Variants in SLC7A8 observed in about 807,000 individuals in gnomAD.
The protein encoded by SLC7A8 is solute carrier family 7 member 8, also known as large neutral amino acids transporter small subunit 2.
Under a neutral mutation model 51.2 loss-of-function variants are expected in SLC7A8, and 30 were observed. The ratio of observed to expected loss-of-function variants is 0.59; its 90% CI spans 0.44 to 0.80. The LOEUF is 0.80. Ranked by LOEUF, SLC7A8 falls within the 30% of genes least tolerant of loss-of-function variation. The pLI, the probability that SLC7A8 is intolerant of heterozygous loss-of-function variation, is 0.00. For synonymous variants in SLC7A8, 257 were observed against 275.8 expected (o/e 0.93, Z 0.67); for missense variants, 612 against 674.4 (o/e 0.91, Z 1.03).
In SLC7A8 at chr14:23,129,661, G is replaced by A. The variant is rs146946494; in HGVS notation, c.1252C>T (p.Arg418Cys). 2.6e-4 allele frequency: 423 copies of A among 1,614,002 alleles called. No individual in the cohort carries two copies. The highest frequency in any genetic ancestry group is 9.9e-4 in the Middle Eastern group (6 of 6,084). The change falls in exon 9 of 11, where the codon CGC (arginine) becomes TGC (cysteine). Residue 418 changes from arginine (R) to cysteine (C), a missense_variant. By Grantham distance (180) the Arg-to-Cys change is radical. Coordinates refer to ENST00000316902, the MANE Select transcript of SLC7A8 (RefSeq NM_012244.4). ...VLRWKKPDIP[R>C]PIKINLLFPI... ...GGAGTTTCTCTCACCTTGATGGGGC[G>A]GGGGATATCAGGCTTCTTCCAGCGA...
intron 1 of SLC7A8, among the ~76,000 whole-genome samples, chr14:23,167,527 C>T (rs917423239): frequency 2.6e-5 from 4 of 151,916 alleles, no homozygotes; most frequent in Admixed American, 6.6e-5. Flanking sequence ...AGGTGAGGCC[C>T]GCAGCCGGTA....
chr14:23,160,940 T>C (rs2048918160), intron 3 of SLC7A8, among the ~76,000 whole-genome samples: 2 of 102,980 alleles, frequency 1.9e-5, no homozygotes, highest in Admixed American at 2.4e-4. Flanking sequence ...AAATGTAAAA[T>C]ACTTTCTCTC....
chr14:23,146,260 T>C lies in SLC7A8; in HGVS notation c.509-3056A>G, dbSNP rs1370892512. Among the ~76,000 whole-genome samples the C allele has an allele frequency of 2.0e-5, 3 of 152,144 alleles. No individual in the cohort carries two copies. The East Asian group carries it at 5.8e-4, about 29-fold the overall frequency. ...AGGTAAGGATTACACAACAAGGAAC[T>C]GGATCTTGATCTCAGGGAAGAAAAT... On this transcript the variant is annotated intron_variant, in intron 3 of 10. Transcript: ENST00000316902.
chr14:23,161,599 T>TGGGTGGGGGTAGGG, intron 3 of SLC7A8, among the ~76,000 whole-genome samples: 1 of 3,224 alleles, frequency 3.1e-4, no homozygotes, highest in Non-Finnish European at 6.6e-4. Context: ...TGGGGGTAGG[T>TGGGTGGGGGTAGGG]GGGTGGGTGG....
At chr14:23,169,757 T>C (rs2048967236) in intron 1 of SLC7A8, among the ~76,000 whole-genome samples, 1 of 152,152 alleles carries the variant, frequency 6.6e-6, no homozygotes, top group Non-Finnish European at 1.5e-5. Flanking sequence ...TTATTCCTAT[T>C]TTTCAAGTGG....
chr14:23,139,537 TG>T lies in SLC7A8; in HGVS notation c.798del (p.Arg267GlufsTer38). ...AGTGGGATGGAGATGAAGATGGCTCTGGGAAGGTTCCTGTAGAGGGAGAGGA... is the reference window on the plus strand; with the variant it reads ...AGTGGGATGGAGATGAAGATGGCTCTGGAAGGTTCCTGTAGAGGGAGAGGA... Reference protein sequence around the residue: ...EELVDPYKNLPRAIFISIPLV... With the variant: ...EELVDPYKNLXRAIFISIPLV... On this transcript the variant is annotated frameshift_variant, in exon 6 of 11. Coordinates refer to ENST00000316902, the MANE Select transcript of SLC7A8 (RefSeq NM_012244.4). LOFTEE classifies it high-confidence loss of function. 1 of 1,613,774 alleles carries T rather than the reference TG, an allele frequency of 6.2e-7. No individual in the cohort carries two copies. Among genetic ancestry groups the T allele is most frequent in the Non-Finnish European group, 8.5e-7 (1 of 1,179,798 alleles).
In SLC7A8 at chr14:23,154,431, G is replaced by A. The variant is rs892268091; in HGVS notation, c.508+10854C>T. 515 of 990,250 alleles carry A rather than the reference G, an allele frequency of 5.2e-4. 1 individual carries two copies. The highest frequency in any genetic ancestry group is 5.4e-4 in the Non-Finnish European group (450 of 830,258). The allele number at this position is 990,250 out of a possible 1,614,324, so 61.3% of individuals were successfully genotyped here. A position where few individuals can be genotyped will look rare whatever the true frequency, so the allele number is the denominator to read the frequency against. On this transcript the variant is annotated intron_variant, in intron 3 of 10. Transcript: ENST00000316902. ...CGCTGGGCAGGGAAGCCGGGCCTGTGGGGGCGTGGGTGTGGCTACGCTCGG... is the reference window on the plus strand; with the variant it reads ...CGCTGGGCAGGGAAGCCGGGCCTGTAGGGGCGTGGGTGTGGCTACGCTCGG...
At chr14:23,148,370 AGGTGTCC>A (rs1182851209) in intron 3 of SLC7A8, among the ~76,000 whole-genome samples, 2 of 152,150 alleles carry the variant, frequency 1.3e-5, no homozygotes, top group African/African-American at 4.8e-5. Context: ...CTGGGATTAC[AGGTGTCC>A]GCCACCACGC....
intron 1 of SLC7A8, among the ~76,000 whole-genome samples, chr14:23,172,999 G>A (rs2048982241): frequency 6.6e-6 from 1 of 152,140 alleles, no homozygotes; most frequent in Admixed American, 6.5e-5. Context: ...TTGTGGTAAA[G>A]ACACGTAACA....
At position 23,140,560 on chromosome 14, in the gene SLC7A8, G is replaced by C. The variant is rs768855621; in HGVS notation, c.699C>G (p.Leu233=). The change falls in exon 5 of 11, where the codon CTC becomes CTG. Residue 233 remains leucine, a synonymous_variant. Coordinates refer to ENST00000316902, the MANE Select transcript of SLC7A8 (RefSeq NM_012244.4). ...FENFQEPDIG[L]VALAFLQGSF... ...AGCCCTGAAGGAAAGCCAGTGCGAC[G>C]AGGCCGATGTCAGGTTCCTGGAAAT... The C allele has an allele frequency of 6.2e-7, 1 of 1,614,124 alleles. No homozygotes were observed. Among genetic ancestry groups the C allele is most frequent in the South Asian group, 1.1e-5 (1 of 91,080 alleles).
intron 3 of SLC7A8, among the ~76,000 whole-genome samples, chr14:23,149,398 C>T (rs1220128407): frequency 1.3e-5 from 2 of 152,192 alleles, no homozygotes; most frequent in East Asian, 1.9e-4. Context: ...AACCCAGATA[C>T]GCAAACACTG....
chr14:23,148,439 G>T (rs1420054454), intron 3 of SLC7A8, among the ~76,000 whole-genome samples: 1 of 152,128 alleles, frequency 6.6e-6, no homozygotes, highest in African/African-American at 2.4e-5. Context: ...TGTTGGCCAG[G>T]CTGGTCTCGA....
chr14:23,155,288 TG>T, intron 3 of SLC7A8: 1 of 1,536,116 alleles, frequency 6.5e-7, no homozygotes, highest in Admixed American at 2.0e-5. Flanking sequence ...CTGTGAGGGC[TG>T]TGAGTGCTCC....
At chr14:23,172,281 G>A (rs2048978666) in intron 1 of SLC7A8, among the ~76,000 whole-genome samples, 1 of 152,224 alleles carries the variant, frequency 6.6e-6, no homozygotes, top group East Asian at 1.9e-4. Flanking sequence ...GCACTGTACA[G>A]CCAGGACTGT....
rs761759784 is a variant in SLC7A8 at position 23,127,259 on chromosome 14, T to G, written c.1526A>C (p.Glu509Ala). Reference protein sequence around the residue: ...ERGSGTEEANEDMEEQQQPMY... With the variant: ...ERGSGTEEANADMEEQQQPMY... ...GGGCTGCTGCTGCTCCTCCATGTCC[T>G]CATTAGCCTCCTCTGTCCCTGAGCC... The change falls in exon 11 of 11, where the codon GAG becomes GCG. Residue 509 changes from glutamate to alanine, a missense_variant. By Grantham distance (107) the Glu-to-Ala change is moderately radical. Coordinates refer to ENST00000316902, the MANE Select transcript of SLC7A8 (RefSeq NM_012244.4). 3.1e-6 allele frequency: 5 copies of G among 1,613,976 alleles called. No homozygotes were observed. In the South Asian group the frequency reaches 5.5e-5, roughly 18 times the overall value.
intron 7 of SLC7A8, among the ~76,000 whole-genome samples, chr14:23,137,144 C>T (rs918015022): frequency 1.3e-5 from 2 of 152,172 alleles, no homozygotes; most frequent in Non-Finnish European, 2.9e-5. Context: ...CTGCTAGCCT[C>T]AACAGCCCCT....
chr14:23,140,591 A>T lies in SLC7A8; in HGVS notation c.668T>A (p.Phe223Tyr), dbSNP rs760537765. The T allele has an allele frequency of 6.2e-7, 1 of 1,614,092 alleles. No homozygotes were observed. Among genetic ancestry groups the T allele is most frequent in the South Asian group, 1.1e-5 (1 of 91,068 alleles). The change falls in exon 5 of 11, where the codon TTT becomes TAT. Residue 223 changes from phenylalanine to tyrosine, a missense_variant. By Grantham distance (22) the Phe-to-Tyr change is conservative. Coordinates refer to ENST00000316902, the MANE Select transcript of SLC7A8 (RefSeq NM_012244.4). ...GATGTCAGGTTCCTGGAAATTCTCAAATGCATTCTTTGGCTCCAGCCAGAA... is the reference window on the plus strand; with the variant it reads ...GATGTCAGGTTCCTGGAAATTCTCATATGCATTCTTTGGCTCCAGCCAGAA... Reference protein sequence around the residue: ...EYFWLEPKNAFENFQEPDIGL... With the variant: ...EYFWLEPKNAYENFQEPDIGL...
At chr14:23,143,247 T>C (rs996088891) in intron 3 of SLC7A8, 43 bp from the exon 4 acceptor site, 3 of 1,608,870 alleles carry the variant, frequency 1.9e-6, no homozygotes, top group Admixed American at 1.7e-5. Context: ...GGGCTGTATC[T>C]GGCTGCATGA....
intron 4 of SLC7A8, 139 bp from the exon 5 acceptor site, chr14:23,140,763 T>A: frequency 1.3e-6 from 1 of 778,104 alleles, no homozygotes; most frequent in Admixed American, 2.7e-5. Context: ...ACCCAACATA[T>A]TGGATAAATT....
Sources: allele counts gnomAD v4.1 joint callset (sites outside exome capture counted in the v4.1 genomes callset), GRCh38; gene constraint gnomAD v4.1.1; transcripts MANE v1.5; gene names NCBI Gene and HGNC (gene_info 2026-07-23, HGNC 2026-07-21).